The following INSYN2B variants were observed in gnomAD, a reference collection of about 807,000 sequenced individuals.
INSYN2B encodes protein INSYN2B.
Under a neutral mutation model 41.2 loss-of-function variants are expected in INSYN2B, and 16 were observed. That is an observed-to-expected ratio of 0.39 (90% CI 0.26 to 0.59). INSYN2B has a LOEUF of 0.59. Ranked by LOEUF, INSYN2B falls within the 20% of genes least tolerant of loss-of-function variation. The pLI, the probability that INSYN2B is intolerant of heterozygous loss-of-function variation, is 0.57. For synonymous variants in INSYN2B, 245 were observed against 244.4 expected, an observed-to-expected ratio of 1.00 and a Z score of -0.02; for missense variants, 608 against 646.4, an observed-to-expected ratio of 0.94 and a Z score of 0.64.
At chr5:169,946,655 G>A (rs1484474688) in intron 1 of INSYN2B, among the ~76,000 whole-genome samples, 2 of 152,184 alleles carry the variant, frequency 1.3e-5, no homozygotes, top group African/African-American at 2.4e-5. Context: ...AATAAGATAG[G>A]CCAGTTCCTA....
intron 3 of INSYN2B, among the ~76,000 whole-genome samples, chr5:169,867,046 T>C (rs1771610318): frequency 6.6e-6 from 1 of 152,194 alleles, no homozygotes. Context: ...AACCCCTTCT[T>C]TGGGTTTGAT....
intron 1 of INSYN2B, among the ~76,000 whole-genome samples, chr5:169,969,973 G>A (rs1410798777): frequency 6.6e-6 from 1 of 152,232 alleles, no homozygotes; most frequent in African/African-American, 2.4e-5. Context: ...TTAAAAACAT[G>A]ATGCTGGTCA....
intron 1 of INSYN2B, among the ~76,000 whole-genome samples, chr5:169,894,074 G>A (rs1360942115): frequency 6.6e-6 from 1 of 152,210 alleles, no homozygotes; most frequent in African/African-American, 2.4e-5. Context: ...AAAAACGACA[G>A]ACTCCAGTGA....
chr5:169,944,507 G>A (rs1220364237), intron 1 of INSYN2B, among the ~76,000 whole-genome samples: 1 of 152,204 alleles, frequency 6.6e-6, no homozygotes, highest in Non-Finnish European at 1.5e-5. Context: ...AGCCAGGCCT[G>A]TGCAGTGAAT....
chr5:169,883,650 G>A lies in INSYN2B; in HGVS notation c.249C>T (p.Phe83=), dbSNP rs1772799671. The A allele has an allele frequency of 5.8e-6, 9 of 1,551,276 alleles. No homozygotes were observed. The East Asian group carries it at 2.0e-4, about 34-fold the overall frequency. ...HHLPPTYSLS[F]PRSQKAGGFR... is the part of the protein sequence containing the mutation. ...AGCCCCCTGCCTTCTGGGACCTGGGGAAGGAGAGCGAGTAGGTGGGGGGAA... is the reference window on the plus strand; with the variant it reads ...AGCCCCCTGCCTTCTGGGACCTGGGAAAGGAGAGCGAGTAGGTGGGGGGAA... The change falls in exon 2 of 4, where the codon TTC becomes TTT. Residue 83 remains phenylalanine, a synonymous_variant. Coordinates refer to ENST00000377365, the MANE Select transcript of INSYN2B (RefSeq NM_001129891.3).
chr5:169,907,465 G>C (rs866335947), intron 1 of INSYN2B, among the ~76,000 whole-genome samples: 4 of 152,158 alleles, frequency 2.6e-5, no homozygotes, highest in Non-Finnish European at 5.9e-5. Flanking sequence ...TCTGTGGCTT[G>C]TTTGCTTGGA....
chr5:169,958,893 G>A (rs1269042354), intron 1 of INSYN2B, among the ~76,000 whole-genome samples: 1 of 152,140 alleles, frequency 6.6e-6, no homozygotes, highest in Non-Finnish European at 1.5e-5. Flanking sequence ...AGTACGCTTT[G>A]TGTCTCTCAA....
At chr5:169,900,410 ATAAACT>A (rs1296784868) in intron 1 of INSYN2B, among the ~76,000 whole-genome samples, 3 of 152,206 alleles carry the variant, frequency 2.0e-5, no homozygotes, top group Non-Finnish European at 4.4e-5. Flanking sequence ...TTCCTTCCAC[ATAAACT>A]TAATTATCGT....
At chr5:169,901,238 G>T (rs996106839) in intron 1 of INSYN2B, among the ~76,000 whole-genome samples, 1 of 152,178 alleles carries the variant, frequency 6.6e-6, no homozygotes, top group African/African-American at 2.4e-5. Context: ...TGGCTCTGAT[G>T]CAAGAAAGGT....
At chr5:169,921,495 G>A (rs941316050) in intron 1 of INSYN2B, among the ~76,000 whole-genome samples, 3 of 152,170 alleles carry the variant, frequency 2.0e-5, no homozygotes, top group African/African-American at 4.8e-5. Flanking sequence ...CACTAAGCAC[G>A]TGGATCAACA....
At chr5:169,908,713 C>CTTTTTTTTTTT (rs34261104) in intron 1 of INSYN2B, among the ~76,000 whole-genome samples, 11 of 105,038 alleles carry the variant, frequency 1.0e-4, no homozygotes, top group East Asian at 2.6e-4. Context: ...TTTCTTTTTT[C>CTTTTTTTTTTT]TTTTTTTTTT....
At chr5:169,917,007 G>T (rs1473612482) in intron 1 of INSYN2B, among the ~76,000 whole-genome samples, 2 of 152,156 alleles carry the variant, frequency 1.3e-5, no homozygotes, top group Non-Finnish European at 2.9e-5. Context: ...TTGCAAATAT[G>T]GTGGATCTCA....
At chr5:169,895,797 A>G (rs1773563338) in intron 1 of INSYN2B, among the ~76,000 whole-genome samples, 2 of 152,218 alleles carry the variant, frequency 1.3e-5, no homozygotes, top group African/African-American at 4.8e-5. Context: ...CTGGGTTCTC[A>G]GTTTCCTCAT....
intron 1 of INSYN2B, among the ~76,000 whole-genome samples, chr5:169,904,115 T>G (rs1488737411): frequency 7.5e-6 from 1 of 133,502 alleles, no homozygotes; most frequent in Non-Finnish European, 1.6e-5. Flanking sequence ...AAAAAAAAGT[T>G]TAGGGGAGGA....
At chr5:169,974,608 G>A (rs775208045) in intron 1 of INSYN2B, among the ~76,000 whole-genome samples, 4 of 152,180 alleles carry the variant, frequency 2.6e-5, no homozygotes, top group Non-Finnish European at 2.9e-5. Flanking sequence ...GCAGGAAAGA[G>A]TGGGAGCGGA....
chr5:169,882,634 G>A lies in INSYN2B; in HGVS notation c.1265C>T (p.Ser422Phe). The change falls in exon 2 of 4, where the codon TCT becomes TTT. Residue 422 changes from serine to phenylalanine, a missense_variant. Coordinates refer to ENST00000377365, the MANE Select transcript of INSYN2B (RefSeq NM_001129891.3). Reference protein sequence around the residue: ...LQGRLQSVEESLHSNQEKIKV... With the variant: ...LQGRLQSVEEFLHSNQEKIKV... Reference sequence around the variant, plus strand: ...AATTTTCTCTTGGTTCGAGTGCAGAGATTCCTCCACAGATTGCAGTCGGCC... The same window carrying A: ...AATTTTCTCTTGGTTCGAGTGCAGAAATTCCTCCACAGATTGCAGTCGGCC... 1.5e-5 allele frequency: 24 copies of A among 1,551,978 alleles called. No individual in the cohort carries two copies. The highest frequency in any genetic ancestry group is 2.1e-5 in the Non-Finnish European group (24 of 1,146,992).
intron 1 of INSYN2B, among the ~76,000 whole-genome samples, chr5:169,930,380 C>T (rs1775689378): frequency 6.6e-6 from 1 of 152,200 alleles, no homozygotes; most frequent in Admixed American, 6.5e-5. Context: ...GCACTCACGA[C>T]TGGGGTTGTC....
chr5:169,977,105 A>C (rs1036871111), intron 1 of INSYN2B, among the ~76,000 whole-genome samples: 13 of 152,234 alleles, frequency 8.5e-5, no homozygotes, highest in Admixed American at 6.5e-5. Flanking sequence ...GTTATTTTTC[A>C]GGCTTCTGAA....
At chr5:169,881,804 C>G (rs979886873) in intron 2 of INSYN2B, among the ~76,000 whole-genome samples, 1 of 152,170 alleles carries the variant, frequency 6.6e-6, no homozygotes, top group Non-Finnish European at 1.5e-5. Flanking sequence ...AGTGCTGATT[C>G]TGATTCATAC....
Sources: gnomAD v4.1 joint callset for allele counts (sites outside exome capture counted in the v4.1 genomes callset) on GRCh38, gnomAD v4.1.1 for gene constraint, MANE v1.5 for transcripts, NCBI Gene and HGNC (gene_info 2026-07-23, HGNC 2026-07-21) for gene names.